Variants in PDE4D observed in about 807,000 individuals in gnomAD.
The protein encoded by PDE4D is 3',5'-cyclic-AMP phosphodiesterase 4D.
A neutral mutation model predicts 87.4 loss-of-function variants in PDE4D; 24 were observed. The ratio of observed to expected loss-of-function variants is 0.27; its 90% confidence interval spans 0.20 to 0.39. PDE4D has a LOEUF of 0.39. PDE4D is among the 10% of genes least tolerant of loss of function. The pLI is 1.00. For synonymous variants in PDE4D, 384 were observed against 383.2 expected, an observed-to-expected ratio of 1.00 and a Z score of -0.02; for missense variants, 714 against 1,041.0, an observed-to-expected ratio of 0.69 and a Z score of 4.32.
chr5:59,703,212 G>A (rs1034670695), intron 1 of PDE4D, among the ~76,000 whole-genome samples: 4 of 152,100 alleles, frequency 2.6e-5, no homozygotes, highest in Non-Finnish European at 5.9e-5. Context: ...GACCATAATT[G>A]CACATGGATA....
chr5:58,976,324 C>A (rs753163326), intron 13 of PDE4D, 26 bp downstream of exon 13: 2 of 1,609,804 alleles, frequency 1.2e-6, no homozygotes, highest in Admixed American at 3.4e-5. Context: ...CACACACACA[C>A]AGAGCAAACT....
At chr5:59,510,298 T>A (rs1810070297) in intron 1 of PDE4D, among the ~76,000 whole-genome samples, 2 of 151,030 alleles carry the variant, frequency 1.3e-5, no homozygotes, top group Non-Finnish European at 3.0e-5. Flanking sequence ...ACAAAGCAAC[T>A]TACTTAGAAA....
chr5:59,875,590 C>T (rs778201078), intron 1 of PDE4D, among the ~76,000 whole-genome samples: 2 of 151,572 alleles, frequency 1.3e-5, no homozygotes, highest in Non-Finnish European at 2.9e-5. Context: ...AAATGGTGCA[C>T]CTCTGGCTTC....
intron 1 of PDE4D, among the ~76,000 whole-genome samples, chr5:59,261,091 C>A (rs1322795073): frequency 2.0e-5 from 3 of 151,788 alleles, no homozygotes; most frequent in Non-Finnish European, 4.4e-5. Flanking sequence ...TAATGTGGTT[C>A]ATTGTGAAAG....
At chr5:59,333,746 G>C (rs1368742620) in intron 1 of PDE4D, among the ~76,000 whole-genome samples, 5 of 152,100 alleles carry the variant, frequency 3.3e-5, no homozygotes, top group African/African-American at 9.7e-5. Context: ...TCCTTGGGGA[G>C]TTTTTCTTGA....
At chr5:59,195,278 AAGGTCTTCTG>A (rs2153487872) in intron 2 of PDE4D, among the ~76,000 whole-genome samples, 1 of 152,288 alleles carries the variant, frequency 6.6e-6, no homozygotes, top group South Asian at 2.1e-4. Flanking sequence ...TCAAAAAAAA[AAGGTCTTCTG>A]AGGTCAAGCC....
At chr5:59,275,284 G>T in intron 1 of PDE4D, 1 of 1,367,022 alleles carries the variant, frequency 7.3e-7, no homozygotes, top group South Asian at 1.2e-5. Context: ...TACTCAAGGA[G>T]TACGTCAATC....
At chr5:60,237,539 T>C (rs955532595) in intron 1 of PDE4D, among the ~76,000 whole-genome samples, 4 of 152,050 alleles carry the variant, frequency 2.6e-5, no homozygotes, top group African/African-American at 7.2e-5. Flanking sequence ...TATGGTTTAA[T>C]TTATATAACA....
rs531865901 is a variant in PDE4D, at chr5:59,909,660, C to T, written c.272+78828G>A. 5.3e-5 allele frequency among the ~76,000 whole-genome samples: 8 copies of T among 152,276 alleles called. No homozygotes were observed. In the South Asian group the frequency reaches 8.3e-4, roughly 16 times the overall value. On this transcript the variant is annotated intron_variant, in intron 3 of 16. Transcript: ENST00000502484. Reference sequence around the variant, plus strand: ...TCGGCCTCCCAAAGTGCTGGGATTACGGGTGTGACCCACTGCACCTGGCCC... The same window carrying T: ...TCGGCCTCCCAAAGTGCTGGGATTATGGGTGTGACCCACTGCACCTGGCCC...
At chr5:59,143,037 T>C (rs1477759841) in intron 5 of PDE4D, among the ~76,000 whole-genome samples, 1 of 152,204 alleles carries the variant, frequency 6.6e-6, no homozygotes, top group Non-Finnish European at 1.5e-5. Flanking sequence ...ATAACATTTA[T>C]TAATAGAGAT....
intron 1 of PDE4D, among the ~76,000 whole-genome samples, chr5:60,486,478 TTTTC>T (rs1267292519): frequency 6.6e-6 from 1 of 152,204 alleles, no homozygotes. Flanking sequence ...CGTTGGCTAC[TTTTC>T]TTTCTTTCTA....
intron 6 of PDE4D, among the ~76,000 whole-genome samples, chr5:59,003,078 T>G (rs1187945888): frequency 6.6e-6 from 1 of 152,166 alleles, no homozygotes; most frequent in African/African-American, 2.4e-5. Context: ...ATCACAGCAC[T>G]CCATGTCTCA....
At chr5:59,717,440 T>C (rs1466856443) in intron 1 of PDE4D, among the ~76,000 whole-genome samples, 1 of 152,178 alleles carries the variant, frequency 6.6e-6, no homozygotes, top group Non-Finnish European at 1.5e-5. Context: ...ATAAATACTG[T>C]TTGTAAAGAA....
chr5:59,406,405 C>A (rs889482218), intron 1 of PDE4D, among the ~76,000 whole-genome samples: 4 of 110,214 alleles, frequency 3.6e-5, no homozygotes, highest in African/African-American at 6.5e-5. Context: ...TCCCCCCCCC[C>A]CCCCCCATAG....
At chr5:59,755,529 A>G (rs1282043508) in intron 1 of PDE4D, among the ~76,000 whole-genome samples, 2 of 152,184 alleles carry the variant, frequency 1.3e-5, no homozygotes, top group Non-Finnish European at 2.9e-5. Context: ...TCTTATTAGT[A>G]AGAAGGCTTT....
chr5:60,517,233 G>A (rs1210441098), intron 1 of PDE4D, among the ~76,000 whole-genome samples: 2 of 152,258 alleles, frequency 1.3e-5, no homozygotes, highest in Non-Finnish European at 2.9e-5. Context: ...TGGGAGGGGG[G>A]CCAAGGGGGA....
chr5:59,758,261 C>T (rs962688970), intron 1 of PDE4D, among the ~76,000 whole-genome samples: 4 of 152,172 alleles, frequency 2.6e-5, no homozygotes, highest in African/African-American at 9.6e-5. Flanking sequence ...ACAATACTTA[C>T]ATCCAACCTT....
chr5:59,982,655 G>C (rs975629560), intron 3 of PDE4D, among the ~76,000 whole-genome samples: 1 of 152,152 alleles, frequency 6.6e-6, no homozygotes, highest in African/African-American at 2.4e-5. Flanking sequence ...AAACATAACT[G>C]AACAGCACTT....
intron 1 of PDE4D, among the ~76,000 whole-genome samples, chr5:59,840,652 T>A (rs1021729527): frequency 6.6e-6 from 1 of 151,944 alleles, no homozygotes; most frequent in African/African-American, 2.4e-5. Context: ...TCCTAAACAA[T>A]TTGAGAGACC....
Sources: gnomAD v4.1 joint callset for allele counts (sites outside exome capture counted in the v4.1 genomes callset) on GRCh38, gnomAD v4.1.1 for gene constraint, MANE v1.5 for transcripts, NCBI Gene and HGNC (gene_info 2026-07-23, HGNC 2026-07-21) for gene names.